RGL1: variants seen among roughly 807,000 people sequenced by gnomAD.
The protein encoded by RGL1 is ral guanine nucleotide dissociation stimulator like 1.
Under a neutral mutation model 95.2 loss-of-function variants are expected in RGL1, and 24 were observed. That is an observed-to-expected ratio of 0.25 (90% CI 0.18 to 0.35). The LOEUF is 0.35. RGL1 is among the 10% of genes least tolerant of loss of function. The probability of loss-of-function intolerance (pLI) is 1.00; values close to 1 mark genes in which losing one functional copy is unlikely to be tolerated. For missense variants in RGL1, 715 were observed against 936.3 expected, an observed-to-expected ratio of 0.76 and a Z score of 3.08; for synonymous variants, 329 against 344.9, an observed-to-expected ratio of 0.95 and a Z score of 0.51.
intron 2 of RGL1, among the ~76,000 whole-genome samples, chr1:183,811,847 T>G (rs547855403): frequency 1.3e-5 from 2 of 152,258 alleles, no homozygotes; most frequent in South Asian, 4.1e-4. Flanking sequence ...CATTAATTCC[T>G]TATACTTAAA....
intron 1 of RGL1, among the ~76,000 whole-genome samples, chr1:183,662,962 A>G (rs1651755106): frequency 6.6e-6 from 1 of 152,180 alleles, no homozygotes; most frequent in African/African-American, 2.4e-5. Context: ...GCAATGGGGA[A>G]AGGATTCCCT....
At chr1:183,725,464 G>A (rs559712657) in intron 1 of RGL1, among the ~76,000 whole-genome samples, 23 of 152,200 alleles carry the variant, frequency 1.5e-4, no homozygotes, top group African/African-American at 4.8e-4. Flanking sequence ...ACCCAATTAT[G>A]TGTAGTCTAT....
chr1:183,823,751 A>G (rs1662656830), intron 2 of RGL1, among the ~76,000 whole-genome samples: 1 of 152,320 alleles, frequency 6.6e-6, no homozygotes, highest in East Asian at 1.9e-4. Context: ...TGTTACCTGT[A>G]TAGAATCAGA....
At chr1:183,645,271 A>G (rs1274214508) in intron 1 of RGL1, among the ~76,000 whole-genome samples, 1 of 152,206 alleles carries the variant, frequency 6.6e-6, no homozygotes, top group Non-Finnish European at 1.5e-5. Flanking sequence ...GTCAATCTCA[A>G]GAGGTTTGTT....
chr1:183,771,300 AG>A (rs1558197525), intron 2 of RGL1, among the ~76,000 whole-genome samples: 1 of 150,032 alleles, frequency 6.7e-6, no homozygotes, highest in African/African-American at 2.5e-5. Flanking sequence ...TAGTAAACAA[AG>A]AAAAAAAAAA....
intron 1 of RGL1, among the ~76,000 whole-genome samples, chr1:183,686,231 G>C (rs1653574314): frequency 6.6e-6 from 1 of 152,050 alleles, no homozygotes; most frequent in Non-Finnish European, 1.5e-5. Flanking sequence ...ATATGTTCAT[G>C]ATGCAAGTTC....
chr1:183,840,954 A>G (rs1664019474), intron 2 of RGL1, among the ~76,000 whole-genome samples: 1 of 137,536 alleles, frequency 7.3e-6, no homozygotes. Context: ...GCCTTTTCTG[A>G]CACCTCCTTT....
chr1:183,673,430 A>T (rs958378534), intron 1 of RGL1, among the ~76,000 whole-genome samples: 1 of 152,276 alleles, frequency 6.6e-6, no homozygotes, highest in Admixed American at 6.5e-5. Flanking sequence ...TTTAGGGGTC[A>T]TGGGGGCAAG....
chr1:183,729,953 G>T lies in RGL1; in HGVS notation c.-32-12173G>T, dbSNP rs189739887. 1.3e-3 allele frequency among the ~76,000 whole-genome samples: 199 copies of T among 152,214 alleles called. 1 individual carries two copies. Among genetic ancestry groups the T allele is most frequent in the Non-Finnish European group, 2.3e-3 (154 of 68,010 alleles). ...CAGAAAGCAGGTTCATGGTTGCCCG[G>T]GGCCAGTGATAGGGTGAGATCGGCT... On this transcript the variant is annotated intron_variant, in intron 1 of 18. Transcript: ENST00000304685.
chr1:183,655,556 A>T (rs898597210), intron 1 of RGL1, among the ~76,000 whole-genome samples: 9 of 152,208 alleles, frequency 5.9e-5, no homozygotes, highest in African/African-American at 1.7e-4. Flanking sequence ...CTCACTAAGG[A>T]GTTAGATGGG....
At chr1:183,792,685 G>T (rs1290479502) in intron 2 of RGL1, among the ~76,000 whole-genome samples, 2 of 151,846 alleles carry the variant, frequency 1.3e-5, no homozygotes, top group Admixed American at 6.6e-5. Context: ...AGCTGAAAAA[G>T]AAATAAAGCA....
intron 1 of RGL1, among the ~76,000 whole-genome samples, chr1:183,658,218 G>T (rs1651325972): frequency 6.6e-6 from 1 of 152,188 alleles, no homozygotes; most frequent in Non-Finnish European, 1.5e-5. Context: ...AGGACAGTGG[G>T]TGCAGTGCAC....
intron 2 of RGL1, among the ~76,000 whole-genome samples, chr1:183,742,525 G>A (rs1329400001): frequency 2.6e-5 from 4 of 152,162 alleles, no homozygotes; most frequent in African/African-American, 9.7e-5. Context: ...AAAAAATGAT[G>A]ATCTAAGGCT....
intron 2 of RGL1, among the ~76,000 whole-genome samples, chr1:183,816,770 A>T (rs1433013466): frequency 6.6e-6 from 1 of 152,094 alleles, no homozygotes; most frequent in Admixed American, 6.5e-5. Context: ...CCTTCATTCC[A>T]GAGGCAATCT....
chr1:183,928,412 G>C lies in RGL1; in HGVS notation c.*2120G>C, dbSNP rs748189636. Reference sequence around the variant, plus strand: ...AAATTTGTTTCCTGGTGGACAGCCGGGTAATGCTTTTAGCTGCTCGCATGC... The same window carrying C: ...AAATTTGTTTCCTGGTGGACAGCCGCGTAATGCTTTTAGCTGCTCGCATGC... On this transcript the variant is annotated 3_prime_UTR_variant, in exon 18 of 18. Coordinates refer to ENST00000360851, the MANE Select transcript of RGL1 (RefSeq NM_001297671.3). 2 of 152,488 alleles carry C rather than the reference G, an allele frequency of 1.3e-5. No individual in the cohort carries two copies. Among genetic ancestry groups the C allele is most frequent in the Admixed American group, 1.3e-4 (2 of 15,272 alleles). The allele number at this position is 152,488 out of a possible 1,614,324, so 9.4% of individuals were successfully genotyped here.
At chr1:183,873,374 GTCT>G (rs1334701692) in intron 4 of RGL1, among the ~76,000 whole-genome samples, 1 of 152,176 alleles carries the variant, frequency 6.6e-6, no homozygotes, top group East Asian at 1.9e-4. Context: ...TTATATTTGT[GTCT>G]TCTTCAACCA....
chr1:183,662,284 G>A (rs1483588206), intron 1 of RGL1, among the ~76,000 whole-genome samples: 1 of 150,874 alleles, frequency 6.6e-6, no homozygotes, highest in Admixed American at 6.6e-5. Flanking sequence ...CCTGTTTGCA[G>A]ATGACATGAT....
chr1:183,810,397 A>G (rs1661629136), intron 2 of RGL1, among the ~76,000 whole-genome samples: 1 of 152,236 alleles, frequency 6.6e-6, no homozygotes, highest in South Asian at 2.1e-4. Flanking sequence ...TTCTGTGGTC[A>G]TGCAGTCCTT....
chr1:183,752,520 C>T (rs758219027), intron 2 of RGL1, among the ~76,000 whole-genome samples: 1 of 152,116 alleles, frequency 6.6e-6, no homozygotes, highest in Non-Finnish European at 1.5e-5. Context: ...CCACTGTGCC[C>T]AGCCCAGATT....
Sources: allele counts gnomAD v4.1 joint callset (sites outside exome capture counted in the v4.1 genomes callset), GRCh38; gene constraint gnomAD v4.1.1; transcripts MANE v1.5; gene names NCBI Gene and HGNC (gene_info 2026-07-23, HGNC 2026-07-21).